ARHGAP12: variants seen among roughly 807,000 people sequenced by gnomAD.
ARHGAP12 encodes the protein rho GTPase-activating protein 12.
In ARHGAP12, 64 loss-of-function variants were observed where a neutral mutation model predicts 108.6. That is an observed-to-expected ratio of 0.59 (90% CI 0.48 to 0.73). ARHGAP12 has a LOEUF of 0.73. ARHGAP12 is among the 30% of genes least tolerant of loss of function. The pLI is 0.00. For missense variants in ARHGAP12, 940 were observed against 1,005.9 expected (o/e 0.93, Z 0.89); for synonymous variants, 312 against 337.2 (o/e 0.93, Z 0.82).
chr10:31,809,160 A>C (rs886639414), intron 17 of ARHGAP12, 32 bp from the exon 18 acceptor site: 1 of 1,612,712 alleles, frequency 6.2e-7, no homozygotes, highest in African/African-American at 1.3e-5. Flanking sequence ...ACATTTTAAA[A>C]AATTACTTTA....
chr10:31,905,032 ACCT>A (rs1415397604), intron 3 of ARHGAP12, among the ~76,000 whole-genome samples: 3 of 152,098 alleles, frequency 2.0e-5, no homozygotes, highest in Non-Finnish European at 4.4e-5. Flanking sequence ...GAAAATGAAA[ACCT>A]CCTAAGACAG....
At chr10:31,809,920 A>C (rs543421217) in intron 16 of ARHGAP12, among the ~76,000 whole-genome samples, 8 of 152,322 alleles carry the variant, frequency 5.3e-5, no homozygotes, top group Admixed American at 2.0e-4. Flanking sequence ...TTACTAAAGC[A>C]CATTATTGAA....
chr10:31,893,357 A>G (rs911640000), intron 3 of ARHGAP12, among the ~76,000 whole-genome samples: 1 of 152,208 alleles, frequency 6.6e-6, no homozygotes, highest in Admixed American at 6.5e-5. Context: ...AGCAAGACTA[A>G]TGAAGAACAA....
intron 3 of ARHGAP12, among the ~76,000 whole-genome samples, chr10:31,878,472 C>A (rs1837816665): frequency 6.6e-6 from 1 of 152,204 alleles, no homozygotes; most frequent in African/African-American, 2.4e-5. Context: ...TCAGAAGCCT[C>A]AGGTATTATC....
At chr10:31,887,084 T>C (rs1442357501) in intron 3 of ARHGAP12, among the ~76,000 whole-genome samples, 2 of 152,210 alleles carry the variant, frequency 1.3e-5, no homozygotes, top group African/African-American at 4.8e-5. Context: ...AGATTTATTT[T>C]AAGATGTATT....
rs150164723 is a variant in ARHGAP12, at chr10:31,861,141, G to C, written c.948+254C>G. Among the ~76,000 whole-genome samples, 446 of 152,302 alleles carry C rather than the reference G, an allele frequency of 2.9e-3. 3 individuals are homozygous for C. Among genetic ancestry groups the C allele is most frequent in the African/African-American group, 6.3e-3 (260 of 41,562 alleles). ...AGTATGTTCTAAGACATAAGGGGGT[G>C]CACTGGCACTAGACAACTTAAACCC... On this transcript the variant is annotated intron_variant, in intron 4 of 19. Coordinates refer to ENST00000344936, the MANE Select transcript of ARHGAP12 (RefSeq NM_018287.7).
chr10:31,833,143 A>G (rs568842455), intron 9 of ARHGAP12, among the ~76,000 whole-genome samples: 19 of 152,152 alleles, frequency 1.2e-4, no homozygotes, highest in Middle Eastern at 3.4e-3. Flanking sequence ...GTTAAAGAAG[A>G]ACATTTTTAA....
intron 6 of ARHGAP12, among the ~76,000 whole-genome samples, chr10:31,847,721 G>A (rs1466987701): frequency 6.6e-6 from 1 of 152,100 alleles, no homozygotes; most frequent in Non-Finnish European, 1.5e-5. Context: ...CATGCACTGT[G>A]GGTCTAGTCA....
intron 10 of ARHGAP12, among the ~76,000 whole-genome samples, chr10:31,831,260 C>G (rs1835822038): frequency 6.6e-6 from 1 of 152,074 alleles, no homozygotes; most frequent in Admixed American, 6.5e-5. Context: ...AGAAGTGAAA[C>G]CATCTCCAAG....
At chr10:31,830,010 CA>C (rs112154124) in intron 10 of ARHGAP12, among the ~76,000 whole-genome samples, 53,285 of 151,756 alleles carry the variant, frequency 0.35, 9,560 homozygotes, top group Admixed American at 0.42. Context: ...TAAAGATTTA[CA>C]AAAAAATGTA....
At chr10:31,813,112 A>G (rs1835079135) in intron 14 of ARHGAP12, among the ~76,000 whole-genome samples, 1 of 152,134 alleles carries the variant, frequency 6.6e-6, no homozygotes, top group Admixed American at 6.5e-5. Context: ...TTACTCTAAC[A>G]TATTCTTTAT....
chr10:31,814,498 G>T, intron 13 of ARHGAP12, 137 bp from the exon 14 acceptor site: 1 of 656,548 alleles, frequency 1.5e-6, no homozygotes, highest in South Asian at 2.0e-5. Context: ...CAGTATGTAT[G>T]ACTTAGATAT....
intron 7 of ARHGAP12, among the ~76,000 whole-genome samples, chr10:31,842,749 T>C (rs1305713336): frequency 6.6e-6 from 1 of 152,104 alleles, no homozygotes; most frequent in Non-Finnish European, 1.5e-5. Flanking sequence ...ACAAGAAGCC[T>C]GATGATTTAA....
At chr10:31,915,563 C>T (rs758509020) in intron 1 of ARHGAP12, among the ~76,000 whole-genome samples, 1 of 152,070 alleles carries the variant, frequency 6.6e-6, no homozygotes, top group African/African-American at 2.4e-5. Context: ...ATACTGTATT[C>T]TTGAAAACTG....
chr10:31,894,735 T>A (rs901181713), intron 3 of ARHGAP12, among the ~76,000 whole-genome samples: 1 of 152,116 alleles, frequency 6.6e-6, no homozygotes, highest in African/African-American at 2.4e-5. Context: ...CTTCACAGAA[T>A]TGGAAAAAAC....
chr10:31,909,072 T>C, intron 2 of ARHGAP12, 146 bp from the exon 3 acceptor site: 1 of 516,006 alleles, frequency 1.9e-6, no homozygotes, highest in Non-Finnish European at 3.4e-6. Context: ...ATGTGTCTAC[T>C]ATCATATGCA....
chr10:31,839,954 C>T (rs1836198478), intron 7 of ARHGAP12, among the ~76,000 whole-genome samples: 1 of 151,976 alleles, frequency 6.6e-6, no homozygotes, highest in African/African-American at 2.4e-5. Context: ...TATGGAATTA[C>T]TCAAAAGAAA....
intron 3 of ARHGAP12, among the ~76,000 whole-genome samples, chr10:31,875,003 T>A (rs2808080): frequency 0.18 from 22,899 of 124,698 alleles, 2,720 homozygotes; most frequent in East Asian, 0.36. Flanking sequence ...AAAAAAAAAA[T>A]TTTCACACAC....
In ARHGAP12 at chr10:31,916,384, C is replaced by T. The variant is rs181757031; in HGVS notation, c.-110-5821G>A. Among the ~76,000 whole-genome samples the T allele has an allele frequency of 2.2e-3, 331 of 152,130 alleles. 2 individuals are homozygous for T. Among genetic ancestry groups the T allele is most frequent in the Middle Eastern group, 6.8e-3 (2 of 294 alleles). On this transcript the variant is annotated intron_variant, in intron 1 of 19. Coordinates refer to ENST00000344936, the MANE Select transcript of ARHGAP12 (RefSeq NM_018287.7). ...TGCTTATATATTTTACTTCTCTGCCCCCAAGTCAGATTCAAATTTCCTATC... is the reference window on the plus strand; with the variant it reads ...TGCTTATATATTTTACTTCTCTGCCTCCAAGTCAGATTCAAATTTCCTATC...
Sources: allele counts gnomAD v4.1 joint callset (sites outside exome capture counted in the v4.1 genomes callset), GRCh38; gene constraint gnomAD v4.1.1; transcripts MANE v1.5; gene names NCBI Gene and HGNC (gene_info 2026-07-23, HGNC 2026-07-21).